Variants in MAN1B1 observed in about 807,000 individuals in gnomAD.
The protein encoded by MAN1B1 is endoplasmic reticulum mannosyl-oligosaccharide 1,2-alpha-mannosidase.
Under a neutral mutation model 75.5 loss-of-function variants are expected in MAN1B1, and 66 were observed. The observed-to-expected ratio is 0.87, with a 90% CI of 0.72 to 1.07. The LOEUF (loss-of-function observed/expected upper bound fraction) is 1.07. MAN1B1 is among the 50% of genes least tolerant of loss of function. The pLI is 0.00. For missense variants in MAN1B1, 973 were observed against 912.5 expected (o/e 1.07, Z -0.85); for synonymous variants, 453 against 382.8 (o/e 1.18, Z -2.14).
rs1431770254 is a variant in MAN1B1, at chr9:137,101,037, A to G, written c.949A>G (p.Lys317Glu). The stretch of plus-strand genomic sequence containing the variant: ...GGAAGCCAGGAAGTGGGTGTCGAAG[A>G]AGTTACACTTTGAAAAGGACGTGGA... Reference protein sequence around the residue: ...FEEARKWVSKKLHFEKDVDVN... With the variant: ...FEEARKWVSKELHFEKDVDVN... Residue 317 changes from lysine to glutamate, a missense_variant, in exon 7 of 13, where the codon AAG (lysine) becomes GAG (glutamate). Physicochemically the swap from Lys to Glu is moderately conservative, Grantham distance 56 (BLOSUM62 1). Transcript: ENST00000371589. The G allele has an allele frequency of 5.0e-6, 8 of 1,614,212 alleles. No homozygotes were observed. The highest frequency in any genetic ancestry group is 6.8e-6 in the Non-Finnish European group (8 of 1,180,040).
intron 8 of MAN1B1, chr9:137,105,855 A>G: frequency 1.6e-6 from 1 of 630,920 alleles, no homozygotes. Context: ...GTAAGGGATG[A>G]GAGCCATCCT....
intron 3 of MAN1B1, among the ~76,000 whole-genome samples, chr9:137,093,619 A>G (rs913963249): frequency 2.0e-5 from 3 of 152,140 alleles, no homozygotes; most frequent in African/African-American, 4.8e-5. Context: ...TCACAAGGTC[A>G]GGAGATTGAG....
chr9:137,106,148 G>A lies in MAN1B1; in HGVS notation c.1278G>A (p.Gln426=). Residue 426 remains glutamine (Q), a synonymous_variant, in exon 9 of 13, where the codon CAG becomes CAA. Coordinates refer to ENST00000371589, the MANE Select transcript of MAN1B1 (RefSeq NM_016219.5). ...KFQEAVEKVT[Q]HIHGLSGKKD... ...AGGAGGCAGTGGAGAAGGTGACACA[G>A]CACATCCACGGCCTGTCTGGGAAGA... The A allele has an allele frequency of 6.2e-7, 1 of 1,612,994 alleles. No individual in the cohort carries two copies. The highest frequency in any genetic ancestry group is 2.2e-5 in the East Asian group (1 of 44,880).
intron 3 of MAN1B1, 84 bp from the exon 4 acceptor site, chr9:137,096,153 C>G (rs957383258): frequency 3.5e-6 from 5 of 1,429,428 alleles, no homozygotes; most frequent in African/African-American, 2.8e-5. Flanking sequence ...GAGGTGTGGG[C>G]TGCACCTGAG....
intron 8 of MAN1B1, chr9:137,102,789 C>T (rs538275533): frequency 6.5e-5 from 26 of 399,916 alleles, no homozygotes; most frequent in Admixed American, 1.7e-4. Flanking sequence ...GGTGGTGTTA[C>T]ACACATTCAT....
In MAN1B1 at chr9:137,108,483, G is replaced by T. The variant is rs747239978; in HGVS notation, c.1992G>T (p.Thr664=). ...TGGAGAGCTTCTTCCTGGGGGAGACGCTCAAGTATCTGTTCTTGCTCTTCT... is the reference window on the plus strand; with the variant it reads ...TGGAGAGCTTCTTCCTGGGGGAGACTCTCAAGTATCTGTTCTTGCTCTTCT... The part of the protein sequence containing the change: ...DKMESFFLGE[T]LKYLFLLFSD... The change falls in exon 13 of 13, where the codon ACG becomes ACT. Residue 664 remains threonine (T), a synonymous_variant. Coordinates refer to ENST00000371589, the MANE Select transcript of MAN1B1 (RefSeq NM_016219.5). The T allele has an allele frequency of 3.7e-6, 6 of 1,613,972 alleles. No homozygotes were observed. The South Asian group carries it at 6.6e-5, about 18-fold the overall frequency.
chr9:137,105,814 T>C (rs1432347807), intron 8 of MAN1B1: 1 of 546,846 alleles, frequency 1.8e-6, no homozygotes, highest in African/African-American at 1.9e-5. Context: ...GTGAGGACAG[T>C]GCCTGTGGTT....
Position 137,109,001 on chromosome 9 carries a change from G to A in MAN1B1, c.*410G>A, listed in dbSNP as rs753155133. The A allele has an allele frequency of 4.3e-6, 2 of 460,716 alleles. No individual in the cohort carries two copies. The highest frequency in any genetic ancestry group is 3.1e-5 in the South Asian group (2 of 64,580). 28.5% of individuals were successfully genotyped at this position (460,716 alleles called of 1,614,324 possible). On this transcript the variant is annotated 3_prime_UTR_variant, in exon 13 of 13. Transcript: ENST00000371589. ...TGTCCCCAATCCAAGGGTCTGGAGG[G>A]GCTGCCGTGACTCCAGAGGCCTGAG...
intron 7 of MAN1B1, 76 bp downstream of exon 7, chr9:137,101,229 G>C: frequency 1.3e-6 from 2 of 1,555,614 alleles, no homozygotes; most frequent in East Asian, 2.2e-5. Context: ...GGACTTGTGG[G>C]GACGTGACTG....
chr9:137,099,548 C>T, intron 5 of MAN1B1, 148 bp from the exon 6 acceptor site: 2 of 832,984 alleles, frequency 2.4e-6, no homozygotes, highest in South Asian at 1.4e-5. Context: ...CTGGCCTTTG[C>T]TGTGCCCACC....
At chr9:137,093,095 A>G (rs1830557135) in intron 3 of MAN1B1, among the ~76,000 whole-genome samples, 1 of 152,178 alleles carries the variant, frequency 6.6e-6, no homozygotes, top group Non-Finnish European at 1.5e-5. Context: ...TGTTATTGAA[A>G]AGAGATCTCA....
At chr9:137,087,624 G>A (rs1830408789) in intron 1 of MAN1B1, 1 of 428,516 alleles carries the variant, frequency 2.3e-6, no homozygotes, top group Non-Finnish European at 4.4e-6. Context: ...GGTGGTCTCA[G>A]GCCGAAGGGC....
chr9:137,098,325 G>T (rs1226795936), intron 5 of MAN1B1, among the ~76,000 whole-genome samples: 1 of 152,232 alleles, frequency 6.6e-6, no homozygotes, highest in Non-Finnish European at 1.5e-5. Context: ...CTTCGGCCAA[G>T]CTCAGTGCAT....
At chr9:137,106,868 C>T in intron 10 of MAN1B1, 59 bp downstream of exon 10, 2 of 1,574,756 alleles carry the variant, frequency 1.3e-6, no homozygotes, top group Non-Finnish European at 1.7e-6. Flanking sequence ...TTCCAAGGTG[C>T]CTGAGTCATG....
In MAN1B1 at chr9:137,088,938, C is replaced by T. The variant is rs1830449038; in HGVS notation, c.398C>T (p.Pro133Leu). ...PEIAGLKPAN[P>L]PVLPAPQKAD... ...ATTGCTGGGTTAAAACCAGCAAATCCACCCGTCTTACCAGCTCCTCAGAAG... is the reference window on the plus strand; with the variant it reads ...ATTGCTGGGTTAAAACCAGCAAATCTACCCGTCTTACCAGCTCCTCAGAAG... The change falls in exon 3 of 13, where the codon CCA becomes CTA. Residue 133 changes from proline (P) to leucine (L), a missense_variant. By Grantham distance (98) the Pro-to-Leu change is moderately conservative. Transcript: ENST00000371589. 1 of 1,613,960 alleles carries T rather than the reference C, an allele frequency of 6.2e-7. No individual in the cohort carries two copies. The highest frequency in any genetic ancestry group is 8.5e-7 in the Non-Finnish European group (1 of 1,179,994).
rs147317961 is a variant in MAN1B1 at position 137,104,480 on chromosome 9, G to A, written c.1255-1645G>A. 2.0e-3 allele frequency: 505 copies of A among 248,290 alleles called. 3 individuals carry two copies. The highest frequency in any genetic ancestry group is 0.011 in the African/African-American group (484 of 45,182). The allele number at this position is 248,290 out of a possible 1,614,324, so 15.4% of individuals were successfully genotyped here. ...AAACTCCTGACCTCGTGATCCACCC[G>A]CCTGGGCCTCCCACAGTGCTGGGAT... On this transcript the variant is annotated intron_variant, in intron 8 of 12. Coordinates refer to ENST00000371589, the MANE Select transcript of MAN1B1 (RefSeq NM_016219.5).
chr9:137,106,798 A>G lies in MAN1B1; in HGVS notation c.1555A>G (p.Ser519Gly). 1 of 1,613,364 alleles carries G rather than the reference A, an allele frequency of 6.2e-7. No homozygotes were observed. The change falls in exon 10 of 13, where the codon AGT becomes GGT. Residue 519 changes from serine to glycine, a missense_variant. Ser to Gly is a moderately conservative substitution (Grantham distance 56, BLOSUM62 0). Coordinates refer to ENST00000371589, the MANE Select transcript of MAN1B1 (RefSeq NM_016219.5). ...GGGGGAGCTTGCCCACGGCCGCTTC[A>G]GTGCCAAGATGGTGAGTGTGTCTGC... is the stretch of plus-strand genomic sequence containing the variant. ...FVGELAHGRF[S>G]AKMDHLVCFL... is the part of the protein sequence containing the mutation.
intron 6 of MAN1B1, among the ~76,000 whole-genome samples, chr9:137,100,649 T>C (rs1339589196): frequency 2.0e-5 from 3 of 152,198 alleles, no homozygotes; most frequent in Non-Finnish European, 4.4e-5. Flanking sequence ...AGACAGAGTC[T>C]AGTGGTGTGG....
chr9:137,103,424 T>A, intron 8 of MAN1B1: 1 of 426,050 alleles, frequency 2.3e-6, no homozygotes, highest in South Asian at 1.7e-5. Flanking sequence ...ACATTCACGC[T>A]GGTGCAGGCA....
Sources: allele counts gnomAD v4.1 joint callset (sites outside exome capture counted in the v4.1 genomes callset), GRCh38; gene constraint gnomAD v4.1.1; transcripts MANE v1.5; gene names NCBI Gene and HGNC (gene_info 2026-07-23, HGNC 2026-07-21).